The following GOLGA3 variants were observed in gnomAD, a reference collection of about 807,000 sequenced individuals.
GOLGA3 encodes the protein golgin A3.
In GOLGA3, 75 loss-of-function variants were observed where a neutral mutation model predicts 169.4. The observed-to-expected ratio is 0.44, with a 90% CI of 0.37 to 0.54. GOLGA3 has a LOEUF of 0.54. GOLGA3 is among the 20% of genes least tolerant of loss of function. The probability of loss-of-function intolerance (pLI) is 0.00; values close to 1 mark genes in which losing one functional copy is unlikely to be tolerated. For synonymous variants in GOLGA3, 824 were observed against 822.4 expected, an observed-to-expected ratio of 1.00 and a Z score of -0.03; for missense variants, 1,899 against 1,930.0, an observed-to-expected ratio of 0.98 and a Z score of 0.30.
chr12:132,815,723 C>A (rs1007537225), intron 3 of GOLGA3, among the ~76,000 whole-genome samples: 1 of 151,946 alleles, frequency 6.6e-6, no homozygotes, highest in Non-Finnish European at 1.5e-5. Flanking sequence ...TGGTGAGACC[C>A]CGTTTCTACA....
At chr12:132,801,603 C>T (rs1949129603) in intron 8 of GOLGA3, among the ~76,000 whole-genome samples, 164 bp downstream of exon 8, 1 of 152,196 alleles carries the variant, frequency 6.6e-6, no homozygotes, top group African/African-American at 2.4e-5. Flanking sequence ...GGGACACGTC[C>T]TGCATACGAC....
chr12:132,819,207 A>T (rs959992642), intron 2 of GOLGA3, among the ~76,000 whole-genome samples: 4 of 152,250 alleles, frequency 2.6e-5, no homozygotes, highest in Middle Eastern at 6.8e-3. Flanking sequence ...GCAGGACAGC[A>T]AATTTGCTTT....
In GOLGA3 at chr12:132,801,978, G is replaced by A. The variant is rs1949148680; in HGVS notation, c.1598-9C>T. 2 of 1,591,890 alleles carry A rather than the reference G, an allele frequency of 1.3e-6. No homozygotes were observed. The highest frequency in any genetic ancestry group is 8.5e-7 in the Non-Finnish European group (1 of 1,173,830). On this transcript the variant is annotated splice_polypyrimidine_tract_variant and intron_variant, in intron 7 of 23. Coordinates refer to ENST00000450791, the MANE Select transcript of GOLGA3 (RefSeq NM_001389683.1). Reference sequence around the variant, plus strand: ...CTGTCGCAGGTCGTGCACTGAAATGGGGCAAGCACAGCGGCTCAGGCCAGC... The same window carrying A: ...CTGTCGCAGGTCGTGCACTGAAATGAGGCAAGCACAGCGGCTCAGGCCAGC...
chr12:132,788,798 T>C (rs928558045), intron 13 of GOLGA3, among the ~76,000 whole-genome samples: 9 of 152,086 alleles, frequency 5.9e-5, no homozygotes, highest in Admixed American at 2.6e-4. Flanking sequence ...CACCTGGACT[T>C]ATCAGGCCTC....
In GOLGA3 at chr12:132,782,592, T is replaced by C; in HGVS notation, c.3268-99A>G. On this transcript the variant is annotated intron_variant, in intron 16 of 23. Coordinates refer to ENST00000450791, the MANE Select transcript of GOLGA3 (RefSeq NM_001389683.1). ...GTTTTCAACAAGAAACAGCGAAAAC[T>C]TAGGCCAGGCGCAGAGGCTCACGCC... 5 of 957,482 alleles carry C rather than the reference T, an allele frequency of 5.2e-6. No individual in the cohort carries two copies. The Admixed American group carries it at 8.7e-5, about 17-fold the overall frequency. The allele number at this position is 957,482 out of a possible 1,614,324, so 59.3% of individuals were successfully genotyped here. A position where few individuals can be genotyped will look rare whatever the true frequency, so the allele number is the denominator to read the frequency against.
chr12:132,798,640 C>T (rs1004446000), intron 8 of GOLGA3, among the ~76,000 whole-genome samples, 163 bp from the exon 9 acceptor site: 10 of 141,330 alleles, frequency 7.1e-5, no homozygotes, highest in East Asian at 2.5e-4. Context: ...TCAAAATATG[C>T]GCTGTCTGGG....
intron 1 of GOLGA3, among the ~76,000 whole-genome samples, chr12:132,823,320 G>T (rs1206051894): frequency 9.9e-5 from 15 of 152,222 alleles, no homozygotes. Flanking sequence ...CTTATCAACA[G>T]GTAAGACACT....
At chr12:132,823,900 A>G (rs1296769405) in intron 1 of GOLGA3, among the ~76,000 whole-genome samples, 1 of 151,740 alleles carries the variant, frequency 6.6e-6, no homozygotes, top group Admixed American at 6.6e-5. Flanking sequence ...CTGGCCAACA[A>G]GGTGAAACCT....
At chr12:132,813,573 A>G (rs1949817227) in intron 3 of GOLGA3, among the ~76,000 whole-genome samples, 154 bp from the exon 4 acceptor site, 1 of 152,190 alleles carries the variant, frequency 6.6e-6, no homozygotes, top group African/African-American at 2.4e-5. Context: ...TTTCTAGATC[A>G]AGAGAGAACT....
At chr12:132,800,691 T>C (rs918205141) in intron 8 of GOLGA3, among the ~76,000 whole-genome samples, 8 of 152,152 alleles carry the variant, frequency 5.3e-5, no homozygotes, top group Non-Finnish European at 1.0e-4. Context: ...CCAGGTGCGG[T>C]GGCTCACGCC....
chr12:132,808,312 C>G lies in GOLGA3; in HGVS notation c.757G>C (p.Asp253His), dbSNP rs759218651. The G allele has an allele frequency of 6.2e-7, 1 of 1,614,132 alleles. No homozygotes were observed. Among genetic ancestry groups the G allele is most frequent in the Admixed American group, 1.7e-5 (1 of 60,016 alleles). The change falls in exon 5 of 24, where the codon GAT (aspartate) becomes CAT (histidine). Residue 253 changes from aspartate (D) to histidine (H), a missense_variant. Coordinates refer to ENST00000450791, the MANE Select transcript of GOLGA3 (RefSeq NM_001389683.1). ...CCCCCAGAATTCCCCGCATTTGAAT[C>G]TTCAGTTCTGTAATCGGCCAGAGAC... ...IRSLADYRTEDSNAGNSGGNV... is the reference protein window; with the variant it reads ...IRSLADYRTEHSNAGNSGGNV...
chr12:132,786,278 G>A (rs1452652367), intron 15 of GOLGA3, 61 bp downstream of exon 15: 2 of 1,151,846 alleles, frequency 1.7e-6, no homozygotes, highest in Non-Finnish European at 2.5e-6. Context: ...TGCTGATGGA[G>A]AGCCCTTCCC....
Position 132,808,067 on chromosome 12 carries a change from C to G in GOLGA3, c.1002G>C (p.Lys334Asn), listed in dbSNP as rs767132206. ...STRGTYGILS[K>N]TVGTQDTPYM... is the part of the protein sequence containing the mutation. Reference sequence around the variant, plus strand: ...AGGGGGTGTCCTGCGTGCCCACTGTCTTCGACAGAATGCCATAGGTCCCTC... The same window carrying G: ...AGGGGGTGTCCTGCGTGCCCACTGTGTTCGACAGAATGCCATAGGTCCCTC... Residue 334 changes from lysine (K) to asparagine (N), a missense_variant, in exon 5 of 24, where the codon AAG (lysine) becomes AAC (asparagine). Physicochemically the swap from Lys to Asn is moderately conservative, Grantham distance 94. Coordinates refer to ENST00000450791, the MANE Select transcript of GOLGA3 (RefSeq NM_001389683.1). 6.9e-6 allele frequency: 11 copies of G among 1,598,374 alleles called. No homozygotes were observed. In the African/African-American group the frequency reaches 1.5e-4, roughly 21 times the overall value.
intron 4 of GOLGA3, among the ~76,000 whole-genome samples, chr12:132,811,421 A>C (rs1949702973): frequency 6.6e-6 from 1 of 151,916 alleles, no homozygotes; most frequent in South Asian, 2.1e-4. Context: ...TATAAATGTT[A>C]TACTTCCCAC....
At chr12:132,803,378 T>C (rs1457707001) in intron 7 of GOLGA3, among the ~76,000 whole-genome samples, 1 of 152,230 alleles carries the variant, frequency 6.6e-6, no homozygotes, top group Non-Finnish European at 1.5e-5. Flanking sequence ...GCCGAGGCTC[T>C]GTCTTCGACC....
chr12:132,801,948 A>G lies in GOLGA3; in HGVS notation c.1619T>C (p.Met540Thr). ...CTGAAGCTGGCTCTGCAAGGCTGTC[A>G]TCTGCTGTCGCAGGTCGTGCACTGA... ...DNTVHDLRQQ[M>T]TALQSQLQQV... Residue 540 changes from methionine to threonine, a missense_variant, in exon 8 of 24, where the codon ATG (methionine) becomes ACG (threonine). Physicochemically the swap from Met to Thr is moderately conservative, Grantham distance 81. Coordinates refer to ENST00000450791, the MANE Select transcript of GOLGA3 (RefSeq NM_001389683.1). The G allele has an allele frequency of 6.3e-7, 1 of 1,599,290 alleles. No individual in the cohort carries two copies. The highest frequency in any genetic ancestry group is 8.5e-7 in the Non-Finnish European group (1 of 1,178,800).
chr12:132,812,877 A>G (rs913632818), intron 4 of GOLGA3, among the ~76,000 whole-genome samples: 1 of 152,268 alleles, frequency 6.6e-6, no homozygotes, highest in East Asian at 1.9e-4. Context: ...ATGCTCCAAC[A>G]GCAAAGAGAT....
At chr12:132,802,357 T>C (rs1311987144) in intron 7 of GOLGA3, among the ~76,000 whole-genome samples, 4 of 123,588 alleles carry the variant, frequency 3.2e-5, no homozygotes, top group Admixed American at 1.1e-4. Context: ...GAAATAACAG[T>C]GGCCGGACAC....
At chr12:132,781,029 G>C (rs535781151) in intron 17 of GOLGA3, 115 bp from the exon 18 acceptor site, 74 of 747,774 alleles carry the variant, frequency 9.9e-5, no homozygotes, top group Non-Finnish European at 1.6e-4. Flanking sequence ...CAGGGAGGTA[G>C]AGGGAACTTC....
Sources: gnomAD v4.1 joint callset for allele counts (sites outside exome capture counted in the v4.1 genomes callset) on GRCh38, gnomAD v4.1.1 for gene constraint, MANE v1.5 for transcripts, NCBI Gene and HGNC (gene_info 2026-07-23, HGNC 2026-07-21) for gene names.